Variants in MOB1A observed in about 807,000 individuals in gnomAD.
MOB1A encodes the protein MOB1 Mps One Binder homolog A.
MOB1A carries 10 observed loss-of-function variants against 25.1 expected under a neutral mutation model. That is an observed-to-expected ratio of 0.40 (90% CI 0.25 to 0.68). The LOEUF (loss-of-function observed/expected upper bound fraction) is 0.68, where lower values mean the gene tolerates loss of function less well. Ranked by LOEUF, MOB1A falls within the 30% of genes least tolerant of loss-of-function variation. The pLI, the probability that MOB1A is intolerant of heterozygous loss-of-function variation, is 0.40. For missense variants in MOB1A, 177 were observed against 256.3 expected, an observed-to-expected ratio of 0.69 and a Z score of 2.11; for synonymous variants, 81 against 79.5, an observed-to-expected ratio of 1.02 and a Z score of -0.10.
chr2:74,160,323 T>C (rs984341533), intron 4 of MOB1A, among the ~76,000 whole-genome samples: 1 of 151,652 alleles, frequency 6.6e-6, no homozygotes, highest in African/African-American at 2.4e-5. Context: ...CCTCATCCCT[T>C]AGGAAAAAAA....
intron 2 of MOB1A, 57 bp downstream of exon 2, chr2:74,172,529 A>G (rs1181932449): frequency 6.5e-7 from 1 of 1,527,198 alleles, no homozygotes; most frequent in Non-Finnish European, 8.9e-7. Flanking sequence ...ATTCATTAAC[A>G]AAGAGATTTT....
rs1358627675 is a variant in MOB1A at position 74,176,083 on chromosome 2, T to TAAAC, written c.14+2577_14+2578insGTTT. 1.3e-3 allele frequency among the ~76,000 whole-genome samples: 166 copies of TAAAC among 129,312 alleles called. 1 individual carries two copies. Among genetic ancestry groups the TAAAC allele is most frequent in the African/African-American group, 4.9e-3 (158 of 32,570 alleles). 84.8% of individuals were successfully genotyped at this position (129,312 alleles called of 152,430 possible). A position where few individuals can be genotyped will look rare whatever the true frequency, so the allele number is the denominator to read the frequency against. On this transcript the variant is annotated intron_variant, in intron 1 of 5. Transcript: ENST00000396049. Reference sequence around the variant, plus strand: ...CAACATAGTGAAACCCCGCCTCTACTACACACACACACACACACACACACA... The same window carrying TAAAC: ...CAACATAGTGAAACCCCGCCTCTACTAAACACACACACACACACACACACACACA...
At chr2:74,162,076 A>G (rs1006512988) in intron 4 of MOB1A, among the ~76,000 whole-genome samples, 1 of 152,266 alleles carries the variant, frequency 6.6e-6, no homozygotes, top group Non-Finnish European at 1.5e-5. Context: ...AATGATAAAC[A>G]GTTCTGTCTG....
chr2:74,177,512 A>G (rs1296321182), intron 1 of MOB1A, among the ~76,000 whole-genome samples: 1 of 152,314 alleles, frequency 6.6e-6, no homozygotes, highest in East Asian at 1.9e-4. Flanking sequence ...TGACAAGGTA[A>G]TCGTATTTTA....
Position 74,152,994 on chromosome 2 carries a change from T to C in MOB1A, c.*3574A>G, listed in dbSNP as rs1253607096. On this transcript the variant is annotated 3_prime_UTR_variant, in exon 6 of 6. Transcript: ENST00000396049. Reference sequence around the variant, plus strand: ...CTTTTACAGTCTGAAATATCAAAATTGAAAGCAAAAATAGGATGACCAAAG... The same window carrying C: ...CTTTTACAGTCTGAAATATCAAAATCGAAAGCAAAAATAGGATGACCAAAG... The C allele has an allele frequency of 6.6e-6, 1 of 152,176 alleles. No homozygotes were observed. Among genetic ancestry groups the C allele is most frequent in the African/African-American group, 2.4e-5 (1 of 41,434 alleles). 9.4% of individuals were successfully genotyped at this position (152,176 alleles called of 1,614,324 possible). A position where few individuals can be genotyped will look rare whatever the true frequency, so the allele number is the denominator to read the frequency against.
chr2:74,161,515 C>G (rs1414962759), intron 4 of MOB1A, among the ~76,000 whole-genome samples: 1 of 151,842 alleles, frequency 6.6e-6, no homozygotes, highest in East Asian at 1.9e-4. Flanking sequence ...GGTGGCGGCA[C>G]CTGTAGTCCC....
intron 2 of MOB1A, among the ~76,000 whole-genome samples, chr2:74,171,631 G>A (rs1410784807): frequency 6.6e-6 from 1 of 152,216 alleles, no homozygotes; most frequent in African/African-American, 2.4e-5. Flanking sequence ...GGCTGGGCGT[G>A]GTGGCTCATG....
In MOB1A at chr2:74,156,537, C is replaced by T. The variant is rs200867527; in HGVS notation, c.*31G>A. 442 of 1,444,636 alleles carry T rather than the reference C, an allele frequency of 3.1e-4. No homozygotes were observed. Among genetic ancestry groups the T allele is most frequent in the Admixed American group, 3.9e-4 (20 of 50,654 alleles). The allele number at this position is 1,444,636 out of a possible 1,614,324, so 89.5% of individuals were successfully genotyped here. A position where few individuals can be genotyped will look rare whatever the true frequency, so the allele number is the denominator to read the frequency against. ...GAGATAGTTCTAGCAATAGATGAAG[C>T]AAGGGGGTAACTGTGTTCTAGAAGA... On this transcript the variant is annotated 3_prime_UTR_variant, in exon 6 of 6. Transcript: ENST00000396049.
At chr2:74,161,763 C>CT (rs1209987184) in intron 4 of MOB1A, among the ~76,000 whole-genome samples, 1 of 151,846 alleles carries the variant, frequency 6.6e-6, no homozygotes, top group Non-Finnish European at 1.5e-5. Context: ...TGAGACCAGT[C>CT]TGGGCAACAC....
At chr2:74,169,083 TTAAA>T (rs1693210338) in intron 2 of MOB1A, among the ~76,000 whole-genome samples, 1 of 152,242 alleles carries the variant, frequency 6.6e-6, no homozygotes, top group East Asian at 1.9e-4. Flanking sequence ...AAGCCAGACA[TTAAA>T]TAAGATTTGC....
intron 4 of MOB1A, among the ~76,000 whole-genome samples, chr2:74,163,751 G>GA (rs1448770925): frequency 6.6e-6 from 1 of 152,034 alleles, no homozygotes; most frequent in African/African-American, 2.4e-5. Context: ...ATAAAATTAA[G>GA]AAACTTGAAC....
intron 3 of MOB1A, 70 bp downstream of exon 3, chr2:74,166,944 G>T: frequency 1.8e-6 from 2 of 1,132,920 alleles, no homozygotes; most frequent in Non-Finnish European, 2.6e-6. Flanking sequence ...AATCTTAACT[G>T]TTTAATTTCT....
intron 2 of MOB1A, among the ~76,000 whole-genome samples, chr2:74,169,283 C>G (rs1693216473): frequency 6.6e-6 from 1 of 152,196 alleles, no homozygotes; most frequent in Admixed American, 6.5e-5. Context: ...AGGCGGATCA[C>G]TTGAGGCCAG....
chr2:74,175,902 T>C (rs1024598105), intron 1 of MOB1A, among the ~76,000 whole-genome samples: 2 of 152,092 alleles, frequency 1.3e-5, no homozygotes, highest in African/African-American at 2.4e-5. Flanking sequence ...AATAGAACTA[T>C]GGACTTTTAC....
At chr2:74,168,087 T>C (rs1693183133) in intron 2 of MOB1A, among the ~76,000 whole-genome samples, 1 of 152,050 alleles carries the variant, frequency 6.6e-6, no homozygotes, top group South Asian at 2.1e-4. Flanking sequence ...TGCCGTGAGC[T>C]GTGATGGTGC....
chr2:74,173,376 G>GTTTTTTTTT (rs35382378), intron 1 of MOB1A, among the ~76,000 whole-genome samples: 7 of 93,314 alleles, frequency 7.5e-5, no homozygotes, highest in African/African-American at 1.2e-4. Context: ...CTCAATTTCG[G>GTTTTTTTTT]TTTTTTTTTT....
At chr2:74,166,881 G>A (rs1693143383) in intron 3 of MOB1A, 133 bp downstream of exon 3, 9 of 618,520 alleles carry the variant, frequency 1.5e-5, no homozygotes, top group Middle Eastern at 3.5e-4. Flanking sequence ...AAGCTTACAG[G>A]TGAGTAGTCA....
intron 3 of MOB1A, 22 bp from the exon 4 acceptor site, chr2:74,165,373 T>C (rs1693101488): frequency 1.4e-6 from 2 of 1,430,112 alleles, no homozygotes; most frequent in South Asian, 1.6e-5. Context: ...AATGTTTTAC[T>C]GATAAATTTT....
Position 74,168,833 on chromosome 2 carries a change from A to G in MOB1A, c.182-1726T>C, listed in dbSNP as rs749072651. ...AGAAAGTAACACTTAGGTATTCAAT[A>G]TTCACTCAAAACAAAAAATATGCCC... On this transcript the variant is annotated intron_variant, in intron 2 of 5. Transcript: ENST00000396049. Among the ~76,000 whole-genome samples the G allele has an allele frequency of 2.6e-4, 39 of 152,198 alleles. 1 individual carries two copies. Among genetic ancestry groups the G allele is most frequent in the Non-Finnish European group, 8.8e-5 (6 of 68,038 alleles).
Sources: gnomAD v4.1 joint callset for allele counts (sites outside exome capture counted in the v4.1 genomes callset) on GRCh38, gnomAD v4.1.1 for gene constraint, MANE v1.5 for transcripts, NCBI Gene and HGNC (gene_info 2026-07-23, HGNC 2026-07-21) for gene names.